The following USP39 variants were observed in gnomAD, a reference collection of about 807,000 sequenced individuals.
The protein encoded by USP39 is ubiquitin carboxyl-terminal hydrolase 39.
In USP39, 38 loss-of-function variants were observed where a neutral mutation model predicts 66.4. The observed-to-expected ratio is 0.57, with a 90% confidence interval of 0.44 to 0.75. The LOEUF (loss-of-function observed/expected upper bound fraction) is 0.75, where lower values mean the gene tolerates loss of function less well. Among genes scored for constraint, USP39 ranks in the 30% least tolerant of loss-of-function variants. The pLI is 0.00. For synonymous variants in USP39, 303 were observed against 274.6 expected (o/e 1.10, Z -1.02); for missense variants, 608 against 714.4 (o/e 0.85, Z 1.70).
chr2:85,622,910 C>T (rs900521956), intron 3 of USP39, among the ~76,000 whole-genome samples: 2 of 152,142 alleles, frequency 1.3e-5, no homozygotes, highest in African/African-American at 2.4e-5. Flanking sequence ...TCTTTGCTCT[C>T]GTAAGGAGCT....
chr2:85,630,903 A>G lies in USP39; in HGVS notation c.906A>G (p.Ala302=). The change falls in exon 6 of 13, where the codon GCA becomes GCG. Residue 302 remains alanine (A), a synonymous_variant. Coordinates refer to ENST00000323701, the MANE Select transcript of USP39 (RefSeq NM_006590.4). ...TGTCTCCCCATGAGATGCTTCAGGCAGTTGTACTTTGCAGTAAGAAGACTT... is the reference window on the plus strand; with the variant it reads ...TGTCTCCCCATGAGATGCTTCAGGCGGTTGTACTTTGCAGTAAGAAGACTT... ...AHVSPHEMLQ[A]VVLCSKKTFQ... is the part of the protein sequence containing the mutation. The G allele has an allele frequency of 6.2e-7, 1 of 1,614,234 alleles. No individual in the cohort carries two copies. Among genetic ancestry groups the G allele is most frequent in the Non-Finnish European group, 8.5e-7 (1 of 1,180,050 alleles).
Position 85,648,858 on chromosome 2 carries a change from ATAAG to A in USP39, c.*51_*54del. On this transcript the variant is annotated 3_prime_UTR_variant, in exon 13 of 13. Coordinates refer to ENST00000323701, the MANE Select transcript of USP39 (RefSeq NM_006590.4). ...CAAGGGCTGTGGCTGATGATGGTAA[ATAAG>A]AACACAGAAGCTGTAGCTGAACACA... The A allele has an allele frequency of 6.2e-7, 1 of 1,606,882 alleles. No homozygotes were observed. The highest frequency in any genetic ancestry group is 8.5e-7 in the Non-Finnish European group (1 of 1,174,864).
In USP39 at chr2:85,623,706, T is replaced by C. The variant is rs1313233722; in HGVS notation, c.494T>C (p.Leu165Pro). ...HSVQFSHHVF[L>P]NLHTLKFYCL... ...GTCCAGTTTAGCCACCATGTTTTCC[T>C]CAACCTCCACACCCTCAAGTTTTAC... Residue 165 changes from leucine (L) to proline (P), a missense_variant, in exon 4 of 13, where the codon CTC becomes CCC. This residue lies in a region of USP39 where 115 missense variants were observed against 198.6 expected (regional missense o/e 0.58). Transcript: ENST00000323701. The C allele has an allele frequency of 6.2e-7, 1 of 1,614,050 alleles. No homozygotes were observed. The highest frequency in any genetic ancestry group is 1.1e-5 in the South Asian group (1 of 91,042).
rs779540265 is a variant in USP39, at chr2:85,639,259, G to A, written c.1152G>A (p.Val384=). 4.6e-5 allele frequency: 74 copies of A among 1,613,846 alleles called. No individual in the cohort carries two copies. The highest frequency in any genetic ancestry group is 6.7e-5 in the African/African-American group (5 of 74,856). ...LHNDEYQETM[V]ESTFMYLTLD... ...ATGACGAGTACCAGGAGACAATGGTGGAGTCCACTTTTATGTACCTGACGC... is the reference window on the plus strand; with the variant it reads ...ATGACGAGTACCAGGAGACAATGGTAGAGTCCACTTTTATGTACCTGACGC... The change falls in exon 9 of 13, where the codon GTG becomes GTA. Residue 384 remains valine (V), a synonymous_variant. Coordinates refer to ENST00000323701, the MANE Select transcript of USP39 (RefSeq NM_006590.4).
At chr2:85,618,256 C>T (rs1321105048) in intron 1 of USP39, among the ~76,000 whole-genome samples, 1 of 151,546 alleles carries the variant, frequency 6.6e-6, no homozygotes, top group Non-Finnish European at 1.5e-5. Flanking sequence ...CACCCAGCCA[C>T]TCTTTAAACT....
Position 85,616,442 on chromosome 2 carries a change from G to A in USP39, c.247G>A (p.Glu83Lys). Reference sequence around the variant, plus strand: ...GGAGCGCGAGGTCGATGAGGACTCGGAGCCTGAGCGGGAGGTGCGAGGTGC... The same window carrying A: ...GGAGCGCGAGGTCGATGAGGACTCGAAGCCTGAGCGGGAGGTGCGAGGTGC... ...KREREVDEDS[E>K]PEREVRAKNG... Residue 83 changes from glutamate to lysine, a missense_variant, in exon 1 of 13, where the codon GAG becomes AAG. This residue lies in a region of USP39 where 207 missense variants were observed against 145.7 expected (regional missense o/e 1.42). Transcript: ENST00000323701. 2 of 1,565,650 alleles carry A rather than the reference G, an allele frequency of 1.3e-6. No individual in the cohort carries two copies. Among genetic ancestry groups the A allele is most frequent in the Non-Finnish European group, 1.7e-6 (2 of 1,150,852 alleles).
chr2:85,620,396 T>C (rs1018577315), intron 2 of USP39, among the ~76,000 whole-genome samples: 2 of 151,710 alleles, frequency 1.3e-5, no homozygotes, highest in African/African-American at 4.8e-5. Context: ...GGAGGATTGC[T>C]TGAACCTAGG....
rs1450579660 is a variant in USP39 at position 85,625,495 on chromosome 2, G to T, written c.571-44G>T. The stretch of plus-strand genomic sequence containing the variant: ...AATTACTGTTACAGACATTTCTTGT[G>T]AACTCAGCTCTTAAACAACTTAGCA... On this transcript the variant is annotated intron_variant, in intron 4 of 12. Coordinates refer to ENST00000323701, the MANE Select transcript of USP39 (RefSeq NM_006590.4). 1.3e-5 allele frequency: 21 copies of T among 1,608,544 alleles called. No homozygotes were observed. The East Asian group carries it at 4.7e-4, about 36-fold the overall frequency.
upstream of USP39, chr2:85,611,202 T>C (rs1270206194): frequency 1.7e-6 from 2 of 1,168,882 alleles, no homozygotes; most frequent in African/African-American, 3.3e-5. Context: ...AGACCTAGTC[T>C]CAAAAATAAA....
intron 6 of USP39, among the ~76,000 whole-genome samples, chr2:85,633,374 C>T (rs1313016668): frequency 2.0e-5 from 3 of 152,164 alleles, no homozygotes; most frequent in African/African-American, 4.8e-5. Flanking sequence ...CCACCCGCCT[C>T]GGCCTCCCAA....
intron 6 of USP39, among the ~76,000 whole-genome samples, chr2:85,634,070 C>CTCGT (rs1385527106): frequency 1.3e-5 from 2 of 150,910 alleles, no homozygotes; most frequent in East Asian, 4.0e-4. Context: ...ATCTCCTGAC[C>CTCGT]TCGTGATCCG....
chr2:85,634,776 A>AT (rs1215518562), intron 6 of USP39, among the ~76,000 whole-genome samples: 1 of 152,070 alleles, frequency 6.6e-6, no homozygotes, highest in Non-Finnish European at 1.5e-5. Flanking sequence ...GTTGAGAATG[A>AT]TTTTTTTGTG....
At chr2:85,616,613 C>G (rs1027648497) in intron 1 of USP39, 150 bp downstream of exon 1, 4 of 1,301,028 alleles carry the variant, frequency 3.1e-6, no homozygotes, top group Non-Finnish European at 4.0e-6. Flanking sequence ...CTCGACGATT[C>G]TGCTGTTCGA....
At chr2:85,642,738 A>G (rs1314186449) in intron 10 of USP39, among the ~76,000 whole-genome samples, 2 of 152,178 alleles carry the variant, frequency 1.3e-5, no homozygotes, top group Non-Finnish European at 2.9e-5. Flanking sequence ...TACTTCTTGA[A>G]AAGGATCTTT....
chr2:85,645,317 C>T, intron 11 of USP39: 1 of 426,174 alleles, frequency 2.3e-6, no homozygotes. Context: ...CGCTCTGTAG[C>T]CCAGGCTGGA....
chr2:85,628,529 G>C (rs758141681), intron 5 of USP39, among the ~76,000 whole-genome samples: 3 of 152,098 alleles, frequency 2.0e-5, no homozygotes, highest in Non-Finnish European at 4.4e-5. Context: ...ATTTTAGATC[G>C]CATAGGAAGT....
intron 5 of USP39, among the ~76,000 whole-genome samples, chr2:85,626,148 T>G (rs1313352455): frequency 6.6e-6 from 1 of 151,900 alleles, no homozygotes; most frequent in Non-Finnish European, 1.5e-5. Flanking sequence ...TCACCTGAGG[T>G]CAGGAGTTCG....
chr2:85,641,955 G>A (rs1426874168), intron 10 of USP39, among the ~76,000 whole-genome samples: 1 of 149,814 alleles, frequency 6.7e-6, no homozygotes, highest in African/African-American at 2.4e-5. Context: ...AATAGTGTCA[G>A]TTTTAAATTC....
intron 11 of USP39, 43 bp from the exon 12 acceptor site, chr2:85,647,887 G>GT (rs1025812803): frequency 7.5e-6 from 12 of 1,601,970 alleles, no homozygotes; most frequent in Non-Finnish European, 1.0e-5. Context: ...CACCCTTTTG[G>GT]TTTTAGAGAG....
Sources: gnomAD v4.1 joint callset for allele counts (sites outside exome capture counted in the v4.1 genomes callset) on GRCh38, gnomAD v4.1.1 for gene constraint, gnomAD v4.1.1 regional missense constraint, MANE v1.5 for transcripts, NCBI Gene and HGNC (gene_info 2026-07-23, HGNC 2026-07-21) for gene names.